MYO3B: variants seen among roughly 807,000 people sequenced by gnomAD.
MYO3B encodes the protein myosin IIIB.
Under a neutral mutation model 174.6 loss-of-function variants are expected in MYO3B, and 156 were observed. The ratio of observed to expected loss-of-function variants is 0.89; its 90% CI spans 0.78 to 1.02. The LOEUF (loss-of-function observed/expected upper bound fraction) is 1.02, where lower values mean the gene tolerates loss of function less well. Ranked by LOEUF, MYO3B falls within the 50% of genes least tolerant of loss-of-function variation. The pLI, the probability that MYO3B is intolerant of heterozygous loss-of-function variation, is 0.00. For missense variants in MYO3B, 1,632 were observed against 1,639.4 expected, an observed-to-expected ratio of 1.00 and a Z score of 0.08; for synonymous variants, 563 against 569.1, an observed-to-expected ratio of 0.99 and a Z score of 0.15.
intron 32 of MYO3B, among the ~76,000 whole-genome samples, chr2:170,630,232 A>G (rs544637563): frequency 6.6e-6 from 1 of 152,346 alleles, no homozygotes; most frequent in South Asian, 2.1e-4. Flanking sequence ...AGGTCTTAGC[A>G]TGCAGCACAC....
intron 9 of MYO3B, 74 bp from the exon 10 acceptor site, chr2:170,381,942 A>G (rs577363379): frequency 1.0e-4 from 122 of 1,208,090 alleles, no homozygotes; most frequent in Non-Finnish European, 1.4e-4. Flanking sequence ...ATTGTGAATG[A>G]GCCATGCTTG....
At chr2:170,225,025 C>T (rs767455937) in intron 6 of MYO3B, among the ~76,000 whole-genome samples, 5 of 152,148 alleles carry the variant, frequency 3.3e-5, no homozygotes, top group African/African-American at 7.2e-5. Context: ...TGTCAAAGGG[C>T]TGAGAAAGAC....
At chr2:170,580,316 T>C (rs1693049663) in intron 32 of MYO3B, among the ~76,000 whole-genome samples, 2 of 152,214 alleles carry the variant, frequency 1.3e-5, no homozygotes, top group Non-Finnish European at 2.9e-5. Flanking sequence ...TAATTTTATA[T>C]TTATAATTTT....
At chr2:170,258,360 A>G (rs1308420620) in intron 7 of MYO3B, among the ~76,000 whole-genome samples, 1 of 152,188 alleles carries the variant, frequency 6.6e-6, no homozygotes, top group African/African-American at 2.4e-5. Flanking sequence ...AAGTTAATTC[A>G]TTACAATCAG....
chr2:170,302,357 A>G (rs871371), intron 7 of MYO3B, among the ~76,000 whole-genome samples: 26,257 of 152,096 alleles, frequency 0.17, 2,893 homozygotes, highest in African/African-American at 0.28. Flanking sequence ...CCCCAGCAAT[A>G]TTGCATGGAA....
At chr2:170,438,031 T>C (rs2094768834) in intron 22 of MYO3B, among the ~76,000 whole-genome samples, 1 of 152,178 alleles carries the variant, frequency 6.6e-6, no homozygotes, top group Non-Finnish European at 1.5e-5. Flanking sequence ...ATCTCTAGAA[T>C]TTTTTCATAT....
chr2:170,359,750 C>T (rs555097273), intron 8 of MYO3B, among the ~76,000 whole-genome samples: 2 of 152,310 alleles, frequency 1.3e-5, no homozygotes, highest in Non-Finnish European at 1.5e-5. Context: ...GAAACTCTTG[C>T]TCCTAGTTAG....
At chr2:170,531,307 A>C (rs944549167) in intron 30 of MYO3B, among the ~76,000 whole-genome samples, 2 of 152,196 alleles carry the variant, frequency 1.3e-5, no homozygotes, top group African/African-American at 2.4e-5. Flanking sequence ...AGTGTAACCC[A>C]GCTTTTAAAG....
chr2:170,276,423 A>G (rs2093464237), intron 7 of MYO3B, among the ~76,000 whole-genome samples: 1 of 152,212 alleles, frequency 6.6e-6, no homozygotes, highest in Admixed American at 6.5e-5. Context: ...AGAGCTTCTA[A>G]AATCTACTTT....
intron 30 of MYO3B, among the ~76,000 whole-genome samples, chr2:170,536,639 A>G (rs750598207): frequency 6.6e-6 from 1 of 152,222 alleles, no homozygotes; most frequent in Non-Finnish European, 1.5e-5. Context: ...CCCAGGAATA[A>G]TGTTTTTCCT....
intron 3 of MYO3B, among the ~76,000 whole-genome samples, chr2:170,211,847 T>C (rs776762504): frequency 7.2e-5 from 11 of 152,188 alleles, no homozygotes; most frequent in Non-Finnish European, 1.6e-4. Flanking sequence ...TGGCTACAGC[T>C]TAAGACCAAC....
intron 3 of MYO3B, among the ~76,000 whole-genome samples, chr2:170,204,261 G>C (rs147799073): frequency 3.3e-5 from 5 of 152,338 alleles, no homozygotes; most frequent in African/African-American, 1.2e-4. Context: ...ATTTTCTGAA[G>C]TAATTTTGAC....
At chr2:170,563,031 T>TACACACACACACACAC (rs56861648) in intron 32 of MYO3B, among the ~76,000 whole-genome samples, 69 of 138,662 alleles carry the variant, frequency 5.0e-4, no homozygotes, top group Admixed American at 2.2e-3. Flanking sequence ...AAAACATGCA[T>TACACACACACACACAC]ACACACACAC....
rs1424118090 is a variant in MYO3B at position 170,542,970 on chromosome 2, G to T, written c.3636+4G>T. ...CTTCGCAGGACATGCAAACAAGGTA[G>T]CTGGATATCTTGATTCCAAAGTAAA... On this transcript the variant is annotated splice_donor_region_variant and intron_variant, in intron 31 of 34. Transcript: ENST00000408978. The T allele has an allele frequency of 6.2e-7, 1 of 1,607,084 alleles. No homozygotes were observed. Among genetic ancestry groups the T allele is most frequent in the Non-Finnish European group, 8.5e-7 (1 of 1,175,722 alleles).
chr2:170,293,865 C>T lies in MYO3B; in HGVS notation c.750-41520C>T, dbSNP rs957509592. Among the ~76,000 whole-genome samples the T allele has an allele frequency of 3.9e-5, 6 of 152,166 alleles. No individual in the cohort carries two copies. The Middle Eastern group carries it at 0.01, about 259-fold the overall frequency. On this transcript the variant is annotated intron_variant, in intron 7 of 34. Coordinates refer to ENST00000408978, the MANE Select transcript of MYO3B (RefSeq NM_138995.5). ...GGTATTCTGCATGAGCTTTTCTCTGCCCATGTCAATATCCACTTCTTGGTT... is the reference window on the plus strand; with the variant it reads ...GGTATTCTGCATGAGCTTTTCTCTGTCCATGTCAATATCCACTTCTTGGTT...
chr2:170,277,704 C>T (rs1039626401), intron 7 of MYO3B, among the ~76,000 whole-genome samples: 5 of 149,216 alleles, frequency 3.4e-5, no homozygotes, highest in Non-Finnish European at 3.0e-5. Context: ...TAATATATGC[C>T]GACCAAAAAA....
intron 14 of MYO3B, among the ~76,000 whole-genome samples, chr2:170,387,993 A>G (rs891719958): frequency 2.6e-5 from 4 of 152,080 alleles, no homozygotes; most frequent in Non-Finnish European, 5.9e-5. Context: ...GGTACATACT[A>G]TCAGAGTGTT....
chr2:170,215,925 C>T (rs1471619132), intron 5 of MYO3B, among the ~76,000 whole-genome samples: 1 of 152,182 alleles, frequency 6.6e-6, no homozygotes, highest in Non-Finnish European at 1.5e-5. Flanking sequence ...TGCGATTTGA[C>T]ATAGAGTAAA....
At chr2:170,542,185 AC>A (rs1163300138) in intron 30 of MYO3B, among the ~76,000 whole-genome samples, 104 of 152,036 alleles carry the variant, frequency 6.8e-4, no homozygotes, top group Middle Eastern at 3.4e-3. Context: ...AGTGCTTTCC[AC>A]TCTGCTGGTT....
Sources: allele counts gnomAD v4.1 joint callset (sites outside exome capture counted in the v4.1 genomes callset), GRCh38; gene constraint gnomAD v4.1.1; transcripts MANE v1.5; gene names NCBI Gene and HGNC (gene_info 2026-07-23, HGNC 2026-07-21).